UBE2D2: variants seen among roughly 807,000 people sequenced by gnomAD.
UBE2D2 encodes the protein ubiquitin-conjugating enzyme E2 D2.
In UBE2D2, 2 loss-of-function variants were observed where a neutral mutation model predicts 24.2. The observed-to-expected ratio is 0.08, with a 90% CI of 0.03 to 0.26. The LOEUF is 0.26. Among genes scored for constraint, UBE2D2 ranks in the 10% least tolerant of loss-of-function variants. The pLI is 1.00. For missense variants in UBE2D2, 44 were observed against 177.6 expected (o/e 0.25, Z 4.28); for synonymous variants, 58 against 56.5 (o/e 1.03, Z -0.12).
chr5:139,611,961 GTTTTTTT>G (rs34693140), intron 2 of UBE2D2: 6 of 119,786 alleles, frequency 5.0e-5, no homozygotes, highest in African/African-American at 1.8e-4. Context: ...AAAAATAATT[GTTTTTTT>G]TTTTTTTTTT....
At chr5:139,552,702 GAC>G (rs60989124) in intron 1 of UBE2D2, among the ~76,000 whole-genome samples, 6,329 of 113,178 alleles carry the variant, frequency 0.056, 188 homozygotes, top group South Asian at 0.12. Flanking sequence ...TTTTTTTTGA[GAC>G]AGAGTTTCTC....
At position 139,627,101 on chromosome 5, in the gene UBE2D2, C is replaced by G. The variant is rs1402511356; in HGVS notation, c.*300C>G. 4 of 307,018 alleles carry G rather than the reference C, an allele frequency of 1.3e-5. No homozygotes were observed. The highest frequency in any genetic ancestry group is 2.4e-5 in the Non-Finnish European group (4 of 163,968). The allele number at this position is 307,018 out of a possible 1,614,324, so 19.0% of individuals were successfully genotyped here. ...TTCTTATTGACTTAAATTTGGATAA[C>G]AGCAAGGTGTGAGGGGGGTGGTGGG... On this transcript the variant is annotated 3_prime_UTR_variant, in exon 7 of 7. Coordinates refer to ENST00000398733, the MANE Select transcript of UBE2D2 (RefSeq NM_003339.3).
intron 1 of UBE2D2, among the ~76,000 whole-genome samples, chr5:139,586,127 G>A (rs1753721181): frequency 6.6e-6 from 1 of 151,200 alleles, no homozygotes; most frequent in Non-Finnish European, 1.5e-5. Context: ...AATGTTTAAT[G>A]TTGATGTTTT....
intron 1 of UBE2D2, among the ~76,000 whole-genome samples, chr5:139,548,909 T>C (rs1752870317): frequency 2.0e-5 from 3 of 151,580 alleles, no homozygotes; most frequent in Admixed American, 2.0e-4. Flanking sequence ...AGTGCAGTGG[T>C]GCGATCTCAG....
At chr5:139,602,612 A>T (rs766565791) in intron 2 of UBE2D2, among the ~76,000 whole-genome samples, 51 of 152,002 alleles carry the variant, frequency 3.4e-4, no homozygotes, top group Non-Finnish European at 1.0e-4. Flanking sequence ...CAGGCAGTTG[A>T]GGCTGTAGTG....
chr5:139,603,622 C>T (rs1420509075), intron 2 of UBE2D2, among the ~76,000 whole-genome samples: 6 of 80,528 alleles, frequency 7.5e-5, no homozygotes, highest in Admixed American at 1.6e-4. Flanking sequence ...ACTCTGTCTC[C>T]GAAAAAAAAA....
chr5:139,561,349 C>T lies in UBE2D2; in HGVS notation c.-443C>T, dbSNP rs1176105094. ...ACCCCGTGCTCCGACGGCCCCACCC[C>T]GGCGGCGCAGCCCGCCCGCCCGCGC... On this transcript the variant is annotated 5_prime_UTR_variant, in exon 1 of 7. Coordinates refer to ENST00000398733, the MANE Select transcript of UBE2D2 (RefSeq NM_003339.3). 6.3e-6 allele frequency: 1 copy of T among 159,472 alleles called. No individual in the cohort carries two copies. The highest frequency in any genetic ancestry group is 1.8e-4 in the East Asian group (1 of 5,604). 9.9% of individuals were successfully genotyped at this position (159,472 alleles called of 1,614,324 possible).
At chr5:139,562,482 C>CT (rs1234393080) in intron 1 of UBE2D2, 65 of 1,250,888 alleles carry the variant, frequency 5.2e-5, no homozygotes, top group Non-Finnish European at 6.5e-5. Context: ...TAGTTAGAAA[C>CT]TAACACTTCC....
chr5:139,570,145 TAGTCCTAGCTACTCAGG>T lies in UBE2D2; in HGVS notation c.24+8333_24+8349del, dbSNP rs375658487. On this transcript the variant is annotated intron_variant, in intron 1 of 6. Coordinates refer to ENST00000398733, the MANE Select transcript of UBE2D2 (RefSeq NM_003339.3). ...AGCTGGGCATGGTGATGTGTGCCTG[TAGTCCTAGCTACTCAGG>T]AGGCTGAGACAGGAGGATCACTTGA... 6.2e-3 allele frequency among the ~76,000 whole-genome samples: 939 copies of T among 152,248 alleles called. 14 individuals are homozygous for T. Among genetic ancestry groups the T allele is most frequent in the African/African-American group, 0.019 (807 of 41,550 alleles).
intron 1 of UBE2D2, among the ~76,000 whole-genome samples, chr5:139,589,739 A>C (rs1753804167): frequency 6.6e-6 from 1 of 152,188 alleles, no homozygotes; most frequent in African/African-American, 2.4e-5. Flanking sequence ...TGTATGAAAC[A>C]TTAACTATAG....
At chr5:139,554,313 C>G (rs918316012) in intron 1 of UBE2D2, among the ~76,000 whole-genome samples, 1 of 152,176 alleles carries the variant, frequency 6.6e-6, no homozygotes, top group Admixed American at 6.5e-5. Flanking sequence ...GGACCACAGG[C>G]ACGTGCCACT....
intron 2 of UBE2D2, among the ~76,000 whole-genome samples, chr5:139,614,118 C>A (rs1754378791): frequency 6.6e-6 from 1 of 151,108 alleles, no homozygotes; most frequent in African/African-American, 2.4e-5. Context: ...AAATGATTTA[C>A]CCTGTGAGGT....
At chr5:139,546,572 T>C (rs550936076) in intron 1 of UBE2D2, among the ~76,000 whole-genome samples, 1 of 152,084 alleles carries the variant, frequency 6.6e-6, no homozygotes, top group South Asian at 2.1e-4. Context: ...AACCGCCACT[T>C]CCCAGGTTCA....
At chr5:139,620,776 A>G (rs1754499196) in intron 5 of UBE2D2, among the ~76,000 whole-genome samples, 1 of 152,202 alleles carries the variant, frequency 6.6e-6, no homozygotes, top group African/African-American at 2.4e-5. Context: ...TGGGAGTAAA[A>G]TGGGCTGAGA....
At chr5:139,606,828 CAG>C (rs1189615504) in intron 2 of UBE2D2, among the ~76,000 whole-genome samples, 21 of 152,248 alleles carry the variant, frequency 1.4e-4, no homozygotes, top group South Asian at 4.1e-4. Flanking sequence ...TTTCTTGAGA[CAG>C]AGTCTCACAT....
At chr5:139,573,485 G>C (rs569934768) in intron 1 of UBE2D2, among the ~76,000 whole-genome samples, 19 of 152,052 alleles carry the variant, frequency 1.2e-4, no homozygotes, top group Non-Finnish European at 1.9e-4. Context: ...GTTTCCAACA[G>C]ATACATTGTA....
chr5:139,550,557 T>C (rs1752899639), intron 1 of UBE2D2, among the ~76,000 whole-genome samples: 1 of 152,128 alleles, frequency 6.6e-6, no homozygotes, highest in Non-Finnish European at 1.5e-5. Context: ...TCAGGTTCTC[T>C]TCCACGCTCA....
upstream of UBE2D2, among the ~76,000 whole-genome samples, chr5:139,559,692 G>A (rs1473356115): frequency 6.6e-6 from 1 of 152,104 alleles, no homozygotes; most frequent in Non-Finnish European, 1.5e-5. Context: ...CCTTAGTTGG[G>A]CTCCAGTTTT....
chr5:139,567,532 T>TG (rs1753256444), intron 1 of UBE2D2, among the ~76,000 whole-genome samples: 1 of 143,808 alleles, frequency 7.0e-6, no homozygotes, highest in African/African-American at 2.6e-5. Context: ...TTGCTAAGTT[T>TG]TTTTTTTTTT....
Sources: gnomAD v4.1 joint callset for allele counts (sites outside exome capture counted in the v4.1 genomes callset) on GRCh38, gnomAD v4.1.1 for gene constraint, MANE v1.5 for transcripts, NCBI Gene and HGNC (gene_info 2026-07-23, HGNC 2026-07-21) for gene names.